The following DMD variants were observed in gnomAD, a reference collection of about 807,000 sequenced individuals.
DMD encodes dystrophin, also known as mutant dystrophin.
In DMD, 63 loss-of-function variants were observed where a neutral mutation model predicts 330.1. That is an observed-to-expected ratio of 0.19 (90% CI 0.16 to 0.24). The LOEUF (loss-of-function observed/expected upper bound fraction) is 0.24, where lower values mean the gene tolerates loss of function less well. Among genes scored for constraint, DMD ranks in the 10% least tolerant of loss-of-function variants. The pLI is 1.00. For missense variants in DMD, 3,344 were observed against 2,684.1 expected (o/e 1.25, Z -5.43); for synonymous variants, 1,223 against 959.8 (o/e 1.27, Z -5.07).
At chrX:32,936,722 C>T (rs1473632890) in intron 2 of DMD, among the ~76,000 whole-genome samples, 2 of 111,603 alleles carry the variant, frequency 1.8e-5, no homozygotes, top group Non-Finnish European at 3.8e-5. Flanking sequence ...ATACTTCTAG[C>T]CAAATAGTTT....
Position 31,483,203 on chromosome X carries a change from C to T in DMD, c.8548-4100G>A, listed in dbSNP as rs948940062. 3.3e-4 allele frequency among the ~76,000 whole-genome samples: 36 copies of T among 108,413 alleles called. No individual in the cohort carries two copies. In the East Asian group the frequency reaches 3.5e-3, roughly 10 times the overall value. The allele number at this position is 108,413 out of a possible 115,157, so 94.1% of individuals were successfully genotyped here. The stretch of plus-strand genomic sequence containing the variant: ...CTGGGACTACAGGCGCCCGCCACCA[C>T]GCCCAGCTAATTTTTTGTATTTTTA... On this transcript the variant is annotated intron_variant, in intron 57 of 78. Coordinates refer to ENST00000357033, the MANE Select transcript of DMD (RefSeq NM_004006.3).
intron 52 of DMD, among the ~76,000 whole-genome samples, chrX:31,686,969 A>C (rs1036874598): frequency 5.4e-5 from 6 of 111,644 alleles, no homozygotes; most frequent in African/African-American, 2.0e-4. Context: ...TGCATCTTGG[A>C]TACCAGCTCA....
intron 2 of DMD, among the ~76,000 whole-genome samples, chrX:32,873,201 AG>A (rs2083132649): frequency 9.0e-6 from 1 of 110,904 alleles, no homozygotes; most frequent in African/African-American, 3.3e-5. Context: ...CTCAAATGTC[AG>A]GGGAATAAGC....
At chrX:32,875,513 T>C (rs1004276723) in intron 2 of DMD, among the ~76,000 whole-genome samples, 3 of 112,201 alleles carry the variant, frequency 2.7e-5, no homozygotes, top group African/African-American at 9.7e-5. Context: ...TAATTTCACT[T>C]TAATCCAGTG....
chrX:32,272,516 C>A (rs759742703), intron 43 of DMD, among the ~76,000 whole-genome samples: 1 of 112,080 alleles, frequency 8.9e-6, no homozygotes, highest in East Asian at 2.8e-4. Flanking sequence ...GTCTATAGAT[C>A]TGGAAGGAAG....
chrX:33,187,152 A>C (rs1041966795), intron 1 of DMD, among the ~76,000 whole-genome samples: 1 of 112,404 alleles, frequency 8.9e-6, no homozygotes, highest in African/African-American at 3.2e-5. Context: ...TTTATGATTT[A>C]CATTGCTTAC....
At chrX:32,866,601 T>A (rs1327801194) in intron 2 of DMD, among the ~76,000 whole-genome samples, 2 of 111,053 alleles carry the variant, frequency 1.8e-5, no homozygotes, top group East Asian at 5.7e-4. Flanking sequence ...GTCATTATAT[T>A]CCATGCAGTT....
intron 4 of DMD, among the ~76,000 whole-genome samples, chrX:32,838,668 T>C (rs929429056): frequency 1.8e-5 from 2 of 111,568 alleles, no homozygotes; most frequent in Non-Finnish European, 3.8e-5. Flanking sequence ...TTGGCCAACA[T>C]ACATACGAAA....
In DMD at chrX:32,463,465, T is replaced by C; in HGVS notation, c.3406A>G (p.Thr1136Ala). ...TGTTGGCACATGTGATCCCACTGAGTGTTAAGTTCTTTGAGTTCTGTCTCA... is the reference window on the plus strand; with the variant it reads ...TGTTGGCACATGTGATCCCACTGAGCGTTAAGTTCTTTGAGTTCTGTCTCA... The part of the protein sequence containing the change: ...RLETELKELN[T>A]QWDHMCQQVY... Residue 1136 changes from threonine to alanine, a missense_variant, in exon 25 of 79, where the codon ACT (threonine) becomes GCT (alanine). By Grantham distance (58) the Thr-to-Ala change is moderately conservative. Coordinates refer to ENST00000357033, the MANE Select transcript of DMD (RefSeq NM_004006.3). 1 of 1,207,731 alleles carries C rather than the reference T, an allele frequency of 8.3e-7. No homozygotes were observed. Among genetic ancestry groups the C allele is most frequent in the Non-Finnish European group, 1.1e-6 (1 of 893,675 alleles).
intron 78 of DMD, among the ~76,000 whole-genome samples, chrX:31,123,640 T>C (rs1378891723): frequency 2.7e-5 from 3 of 112,085 alleles, no homozygotes; most frequent in East Asian, 2.8e-4. Context: ...AAATTGAAGA[T>C]AGATGGACTA....
Position 31,703,209 on chromosome X carries a change from A to AACTCTTT in DMD, c.7661-23630_7661-23624dup, listed in dbSNP as rs766602269. Among the ~76,000 whole-genome samples the AACTCTTT allele has an allele frequency of 2.5e-3, 280 of 111,459 alleles. 1 individual carries two copies. Among genetic ancestry groups the AACTCTTT allele is most frequent in the African/African-American group, 8.8e-3 (271 of 30,713 alleles). ...CACACTGCTTTCAGGATAGTATTAAAACTCTTTACCTATCCTACAAGATCT... is the reference window on the plus strand; with the variant it reads ...CACACTGCTTTCAGGATAGTATTAAAACTCTTTACTCTTTACCTATCCTACAAGATCT... On this transcript the variant is annotated intron_variant, in intron 52 of 78. Transcript: ENST00000357033.
rs767229479 is a variant in DMD at position 32,487,641 on chromosome X, A to G, written c.2623-2542T>C. Among the ~76,000 whole-genome samples the G allele has an allele frequency of 7.2e-5, 8 of 111,567 alleles. No individual in the cohort carries two copies. The South Asian group carries it at 2.6e-3, about 37-fold the overall frequency. ...TGTCATGGTTGCAAGACTAATGTAC[A>G]ATGCCACTTATTCTCATTAAAAAAA... On this transcript the variant is annotated intron_variant, in intron 20 of 78. Transcript: ENST00000357033.
chrX:32,990,922 C>T (rs2092956294), intron 2 of DMD, among the ~76,000 whole-genome samples: 1 of 111,195 alleles, frequency 9.0e-6, no homozygotes, highest in African/African-American at 3.3e-5. Context: ...ATATACCAAG[C>T]TTTATCCTAG....
chrX:32,126,363 G>A (rs1179746024), intron 44 of DMD, among the ~76,000 whole-genome samples: 2 of 111,694 alleles, frequency 1.8e-5, no homozygotes, highest in South Asian at 3.8e-4. Flanking sequence ...TTCAACCATC[G>A]GTATCCACTT....
At chrX:32,797,212 TC>T (rs1324822536) in intron 7 of DMD, among the ~76,000 whole-genome samples, 4 of 110,898 alleles carry the variant, frequency 3.6e-5, no homozygotes, top group Non-Finnish European at 7.5e-5. Context: ...AGCCTTGAAC[TC>T]CTGGCCTAAA....
intron 51 of DMD, among the ~76,000 whole-genome samples, chrX:31,767,086 C>T (rs889821939): frequency 4.5e-5 from 5 of 111,490 alleles, no homozygotes; most frequent in African/African-American, 1.6e-4. Context: ...TCCAGATGGT[C>T]GCAAGCTGTC....
chrX:32,694,728 C>G (rs1298924292), intron 9 of DMD, among the ~76,000 whole-genome samples: 1 of 112,000 alleles, frequency 8.9e-6, no homozygotes, highest in East Asian at 2.8e-4. Flanking sequence ...ATGATTTCAA[C>G]TCACTGCAAC....
At position 32,832,131 on chromosome X, in the gene DMD, T is replaced by C. The variant is rs2079203250; in HGVS notation, c.265-8744A>G. On this transcript the variant is annotated intron_variant, in intron 4 of 78. Coordinates refer to ENST00000357033, the MANE Select transcript of DMD (RefSeq NM_004006.3). ...CACTTTTGTTCCCTCATATGCAGTGTAAAATACAAGCATTTTTAAAATTAG... is the reference window on the plus strand; with the variant it reads ...CACTTTTGTTCCCTCATATGCAGTGCAAAATACAAGCATTTTTAAAATTAG... Among the ~76,000 whole-genome samples the C allele has an allele frequency of 3.6e-5, 4 of 111,540 alleles. No individual in the cohort carries two copies. The Admixed American group carries it at 3.8e-4, about 11-fold the overall frequency.
intron 2 of DMD, among the ~76,000 whole-genome samples, chrX:32,933,497 T>G (rs752468615): frequency 8.9e-6 from 1 of 112,179 alleles, no homozygotes; most frequent in African/African-American, 3.2e-5. Context: ...TGTATAAAGC[T>G]GAAAGAACAA....
Sources: gnomAD v4.1 joint callset for allele counts (sites outside exome capture counted in the v4.1 genomes callset) on GRCh38, gnomAD v4.1.1 for gene constraint, MANE v1.5 for transcripts, NCBI Gene and HGNC (gene_info 2026-07-23, HGNC 2026-07-21) for gene names.